Variants in TANGO6 observed in about 807,000 individuals in gnomAD.
TANGO6 encodes the protein transport and golgi organization 6 homolog, also known as transport and Golgi organization protein 6 homolog.
TANGO6 carries 90 observed loss-of-function variants against 114.2 expected under a neutral mutation model. That is an observed-to-expected ratio of 0.79 (90% CI 0.66 to 0.94). TANGO6 has a LOEUF of 0.94. Among genes scored for constraint, TANGO6 ranks in the 40% least tolerant of loss-of-function variants. TANGO6 has a pLI of 0.00. For missense variants in TANGO6, 1,274 were observed against 1,315.3 expected, an observed-to-expected ratio of 0.97 and a Z score of 0.49; for synonymous variants, 477 against 509.8, an observed-to-expected ratio of 0.94 and a Z score of 0.87.
At chr16:68,948,836 TTCAGCATTGAAAGTA>T (rs1336065773) in intron 14 of TANGO6, among the ~76,000 whole-genome samples, 1 of 152,204 alleles carries the variant, frequency 6.6e-6, no homozygotes, top group African/African-American at 2.4e-5. Context: ...TCATTAGTGT[TTCAGCATTGAAAGTA>T]TCAGCATTGT....
Position 69,083,863 on chromosome 16 carries a change from G to T in TANGO6, c.*202G>T. On this transcript the variant is annotated 3_prime_UTR_variant, in exon 18 of 18. Coordinates refer to ENST00000261778, the MANE Select transcript of TANGO6 (RefSeq NM_024562.2). ...AGCACTCCCGCGTTCAGCCTGAGGG[G>T]TGTACAGTTAAGAGAAGACAGTTAC... 1.8e-6 allele frequency: 1 copy of T among 552,996 alleles called. No individual in the cohort carries two copies. The allele number at this position is 552,996 out of a possible 1,614,324, so 34.3% of individuals were successfully genotyped here. A position where few individuals can be genotyped will look rare whatever the true frequency, so the allele number is the denominator to read the frequency against.
chr16:69,070,202 C>T (rs2152242787), intron 17 of TANGO6, among the ~76,000 whole-genome samples: 1 of 151,356 alleles, frequency 6.6e-6, no homozygotes, highest in East Asian at 2.0e-4. Context: ...AGCGAGACTC[C>T]TTCTCAAAAA....
intron 14 of TANGO6, among the ~76,000 whole-genome samples, chr16:68,944,065 C>T (rs1395890232): frequency 6.6e-6 from 1 of 152,066 alleles, no homozygotes; most frequent in Non-Finnish European, 1.5e-5. Flanking sequence ...TAAAGATATC[C>T]CTTGAGATAT....
At chr16:69,056,997 CTTTTTTTTTTTTTTTTT>C (rs71148961) in intron 17 of TANGO6, among the ~76,000 whole-genome samples, 1 of 59,860 alleles carries the variant, frequency 1.7e-5, no homozygotes, top group African/African-American at 6.8e-5. Context: ...GCCTGATTTT[CTTTTTTTTTTTTTTTTT>C]TTTTTTTTTT....
intron 10 of TANGO6, 83 bp from the exon 11 acceptor site, chr16:68,909,128 A>C (rs1006634098): frequency 1.6e-5 from 19 of 1,175,582 alleles, no homozygotes; most frequent in Non-Finnish European, 2.0e-5. Context: ...CATGCAGTTC[A>C]AACAGAGTTT....
intron 15 of TANGO6, among the ~76,000 whole-genome samples, chr16:68,991,366 A>G (rs1464797047): frequency 6.6e-6 from 1 of 152,126 alleles, no homozygotes; most frequent in Non-Finnish European, 1.5e-5. Context: ...CTGTAATACC[A>G]GCACTTAGGG....
chr16:68,908,112 C>T (rs1213681301), intron 10 of TANGO6, among the ~76,000 whole-genome samples: 1 of 152,086 alleles, frequency 6.6e-6, no homozygotes, highest in Non-Finnish European at 1.5e-5. Context: ...AATGTTACTC[C>T]TTGTTGCACT....
intron 14 of TANGO6, chr16:68,948,290 C>T (rs1298592513): frequency 1.3e-5 from 2 of 152,158 alleles, no homozygotes; most frequent in Non-Finnish European, 2.9e-5. Flanking sequence ...AGAGAAATGA[C>T]AGTAAGTAAC....
intron 7 of TANGO6, among the ~76,000 whole-genome samples, chr16:68,892,430 C>T (rs886332102): frequency 7.9e-5 from 12 of 152,136 alleles, no homozygotes; most frequent in East Asian, 1.9e-4. Context: ...CATTGATCCA[C>T]ATTGGCCTCT....
At chr16:69,022,713 AT>A in intron 15 of TANGO6, 114 bp from the exon 16 acceptor site, 2 of 1,257,034 alleles carry the variant, frequency 1.6e-6, no homozygotes, top group East Asian at 2.6e-5. Flanking sequence ...CAAAAAAAAA[AT>A]AAAAACAAAA....
chr16:68,909,346 C>G lies in TANGO6; in HGVS notation c.1936C>G (p.Leu646Val), dbSNP rs368944893. 6.2e-7 allele frequency: 1 copy of G among 1,607,642 alleles called. No homozygotes were observed. The highest frequency in any genetic ancestry group is 1.7e-5 in the Admixed American group (1 of 59,286). The change falls in exon 11 of 18, where the codon CTG (leucine) becomes GTG (valine). Residue 646 changes from leucine to valine, a missense_variant. Coordinates refer to ENST00000261778, the MANE Select transcript of TANGO6 (RefSeq NM_024562.2). ...GQERKLLVLQ[L>V]MAVLCERMSE... ...AGAGCGGAAGCTGCTTGTCCTGCAG[C>G]TGATGGCTGTTCTGTGCGAGAGAAT... is the stretch of plus-strand genomic sequence containing the variant.
chr16:69,050,366 C>T (rs922452944), intron 17 of TANGO6, among the ~76,000 whole-genome samples: 2 of 151,930 alleles, frequency 1.3e-5, no homozygotes, highest in African/African-American at 2.4e-5. Flanking sequence ...TTTTCTGAAA[C>T]GGGGTCTCAT....
chr16:69,068,937 G>A (rs1328942827), intron 17 of TANGO6, among the ~76,000 whole-genome samples: 4 of 152,034 alleles, frequency 2.6e-5, no homozygotes, highest in East Asian at 1.9e-4. Context: ...GGCTGGTCTC[G>A]AACTCCTGAC....
Position 68,969,097 on chromosome 16 carries a change from T to C in TANGO6, c.2702-4931T>C, listed in dbSNP as rs1482488564. On this transcript the variant is annotated intron_variant, in intron 14 of 17. Coordinates refer to ENST00000261778, the MANE Select transcript of TANGO6 (RefSeq NM_024562.2). Reference sequence around the variant, plus strand: ...TTTACCTTCTCTATATCTCATCTGTTGCACCACATCCTAAAATGCATAGCT... The same window carrying C: ...TTTACCTTCTCTATATCTCATCTGTCGCACCACATCCTAAAATGCATAGCT... Among the ~76,000 whole-genome samples, 3 of 152,208 alleles carry C rather than the reference T, an allele frequency of 2.0e-5. No homozygotes were observed. The East Asian group carries it at 5.8e-4, about 29-fold the overall frequency.
At chr16:68,854,775 C>T (rs74025325) in intron 1 of TANGO6, among the ~76,000 whole-genome samples, 16,613 of 151,960 alleles carry the variant, frequency 0.11, 921 homozygotes, top group Non-Finnish European at 0.13. Flanking sequence ...TTCTGTTTTA[C>T]CAATCTACCT....
chr16:68,928,417 G>T (rs1479850896), intron 13 of TANGO6, among the ~76,000 whole-genome samples: 3 of 144,060 alleles, frequency 2.1e-5, no homozygotes, highest in Admixed American at 1.5e-4. Context: ...CCATTCTCCT[G>T]CCTCAGCCTC....
chr16:68,974,321 G>T (rs545156350), intron 15 of TANGO6, among the ~76,000 whole-genome samples, 153 bp downstream of exon 15: 47 of 152,166 alleles, frequency 3.1e-4, no homozygotes, highest in African/African-American at 1.1e-3. Context: ...GAAATATTCC[G>T]ATGTCTACTA....
chr16:68,853,397 T>A (rs1200224659), intron 1 of TANGO6, among the ~76,000 whole-genome samples: 1 of 152,118 alleles, frequency 6.6e-6, no homozygotes, highest in Non-Finnish European at 1.5e-5. Flanking sequence ...TATGCATCAT[T>A]ACTATTATCC....
intron 15 of TANGO6, among the ~76,000 whole-genome samples, chr16:69,000,006 TC>T (rs1964025612): frequency 6.6e-6 from 1 of 152,204 alleles, no homozygotes; most frequent in Admixed American, 6.5e-5. Context: ...AAGACAATTG[TC>T]TGTGGATGAC....
Sources: gnomAD v4.1 joint callset for allele counts (sites outside exome capture counted in the v4.1 genomes callset) on GRCh38, gnomAD v4.1.1 for gene constraint, MANE v1.5 for transcripts, NCBI Gene and HGNC (gene_info 2026-07-23, HGNC 2026-07-21) for gene names.